Variants in MAK observed in about 807,000 individuals in gnomAD.
MAK encodes the protein serine/threonine-protein kinase MAK.
MAK carries 65 observed loss-of-function variants against 82.6 expected under a neutral mutation model. The observed-to-expected ratio is 0.79, with a 90% CI of 0.64 to 0.97. The LOEUF is 0.97. MAK is among the 50% of genes least tolerant of loss of function. The pLI is 0.00. For synonymous variants in MAK, 250 were observed against 274.2 expected (o/e 0.91, Z 0.87); for missense variants, 703 against 780.2 (o/e 0.90, Z 1.18).
At chr6:10,791,641 CA>C in intron 10 of MAK, 33 bp downstream of exon 10, 1 of 1,594,666 alleles carries the variant, frequency 6.3e-7, no homozygotes, top group South Asian at 1.1e-5. Context: ...TAATGCATGG[CA>C]AAAATATTTT....
chr6:10,815,912 G>GTGTGTATATACATATATATA (rs1554184483), intron 4 of MAK, among the ~76,000 whole-genome samples: 1 of 108,322 alleles, frequency 9.2e-6, no homozygotes, highest in Non-Finnish European at 1.8e-5. Context: ...GCTTTATACA[G>GTGTGTATATACATATATATA]TATATATATA....
At chr6:10,815,912 G>GTGTGTGTATATATATATATC (rs1554184483) in intron 4 of MAK, among the ~76,000 whole-genome samples, 1 of 108,322 alleles carries the variant, frequency 9.2e-6, no homozygotes, top group Non-Finnish European at 1.8e-5. Flanking sequence ...GCTTTATACA[G>GTGTGTGTATATATATATATC]TATATATATA....
intron 10 of MAK, among the ~76,000 whole-genome samples, chr6:10,790,831 CA>C (rs1461098817): frequency 2.6e-5 from 4 of 152,140 alleles, no homozygotes; most frequent in Admixed American, 6.6e-5. Flanking sequence ...GTGTTTGGAC[CA>C]TGGGAGCAGA....
chr6:10,791,112 C>T (rs541700570), intron 10 of MAK, among the ~76,000 whole-genome samples: 93 of 152,088 alleles, frequency 6.1e-4, no homozygotes, highest in Admixed American at 1.7e-3. Context: ...AATGTAAAAA[C>T]GGACTGACAC....
chr6:10,807,369 G>A (rs1410414244), intron 6 of MAK, among the ~76,000 whole-genome samples: 3 of 104,130 alleles, frequency 2.9e-5, no homozygotes, highest in Non-Finnish European at 5.3e-5. Context: ...TTGAGAAAGA[G>A]TCTTGCTCTG....
At chr6:10,811,624 A>G (rs994193749) in intron 5 of MAK, among the ~76,000 whole-genome samples, 1 of 152,250 alleles carries the variant, frequency 6.6e-6, no homozygotes, top group Non-Finnish European at 1.5e-5. Flanking sequence ...ATGAATAATT[A>G]AAATAGCAGA....
At chr6:10,824,739 A>G (rs749901805) in intron 2 of MAK, among the ~76,000 whole-genome samples, 7 of 152,122 alleles carry the variant, frequency 4.6e-5, no homozygotes, top group Non-Finnish European at 1.0e-4. Context: ...ACAACTCAGT[A>G]ACTCATCCTT....
In MAK at chr6:10,801,904, C is replaced by T. The variant is rs1776041815; in HGVS notation, c.819G>A (p.Pro273=). 9 of 1,613,932 alleles carry T rather than the reference C, an allele frequency of 5.6e-6. No homozygotes were observed. Among genetic ancestry groups the T allele is most frequent in the South Asian group, 1.1e-5 (1 of 91,078 alleles). The part of the protein sequence containing the change: ...EMLNWDPKKR[P]TASQALKHPY... The stretch of plus-strand genomic sequence containing the variant: ...AGACTCCTCTTACCTGGCTTGCTGT[C>T]GGTCGTTTCTTTGGATCCCAATTCA... Residue 273 remains proline, a synonymous_variant, in exon 8 of 15, where the codon CCG becomes CCA. Coordinates refer to ENST00000354489, the MANE Select transcript of MAK (RefSeq NM_001242957.3).
intron 10 of MAK, among the ~76,000 whole-genome samples, chr6:10,787,690 C>T (rs542008123): frequency 6.6e-6 from 1 of 151,918 alleles, no homozygotes; most frequent in African/African-American, 2.4e-5. Flanking sequence ...AACCCTGTCT[C>T]TACTAAAAAA....
At chr6:10,783,806 G>A (rs1448266401) in intron 11 of MAK, among the ~76,000 whole-genome samples, 1 of 152,146 alleles carries the variant, frequency 6.6e-6, no homozygotes, top group Non-Finnish European at 1.5e-5. Context: ...GGATCACAAG[G>A]TCAGGAGATC....
chr6:10,785,112 T>A (rs2127533846), intron 10 of MAK, among the ~76,000 whole-genome samples: 1 of 152,326 alleles, frequency 6.6e-6, no homozygotes, highest in Non-Finnish European at 1.5e-5. Context: ...GTGCAGTGGC[T>A]AAGCACCTCG....
intron 6 of MAK, among the ~76,000 whole-genome samples, chr6:10,807,393 A>C (rs2127562875): frequency 8.6e-6 from 1 of 116,228 alleles, no homozygotes; most frequent in African/African-American, 3.4e-5. Flanking sequence ...CCCAGGCTGG[A>C]GTTCAGTGGC....
intron 8 of MAK, chr6:10,798,118 T>C (rs1775712608): frequency 9.5e-6 from 2 of 210,678 alleles, no homozygotes; most frequent in East Asian, 3.7e-4. Flanking sequence ...TCTTCCCTTT[T>C]TTTTTTTTTT....
intron 2 of MAK, 60 bp downstream of exon 2, chr6:10,830,488 G>T: frequency 1.5e-6 from 2 of 1,366,080 alleles, no homozygotes; most frequent in Non-Finnish European, 2.1e-6. Flanking sequence ...TCTTAAGCGA[G>T]GACAGGAAAA....
chr6:10,768,430 A>G (rs1438052592), intron 14 of MAK, among the ~76,000 whole-genome samples: 1 of 152,110 alleles, frequency 6.6e-6, no homozygotes, highest in Non-Finnish European at 1.5e-5. Context: ...ATACAAAAAA[A>G]ATTAGCTGGG....
At chr6:10,830,385 C>A (rs1197395911) in intron 2 of MAK, among the ~76,000 whole-genome samples, 163 bp downstream of exon 2, 1 of 151,468 alleles carries the variant, frequency 6.6e-6, no homozygotes, top group African/African-American at 2.4e-5. Context: ...AGGCTGGTCT[C>A]AAACTCCTAA....
At chr6:10,777,447 C>T (rs1160758208) in intron 11 of MAK, among the ~76,000 whole-genome samples, 1 of 151,312 alleles carries the variant, frequency 6.6e-6, no homozygotes, top group Non-Finnish European at 1.5e-5. Flanking sequence ...AAAGGAAGTG[C>T]AAGGTAGGGG....
In MAK at chr6:10,800,708, T is replaced by C. The variant is rs971462907; in HGVS notation, c.831+1184A>G. ...TACAAAATTAGCCAGGCGTGGTGGC[T>C]CATGCCTGTAATCTCAGCTACTCGG... On this transcript the variant is annotated intron_variant, in intron 8 of 14. Transcript: ENST00000354489. The surrounding 1 kb of genome is among the most constrained non-coding windows in gnomAD (Gnocchi z 4.2). Among the ~76,000 whole-genome samples, 6 of 152,022 alleles carry C rather than the reference T, an allele frequency of 3.9e-5. No homozygotes were observed. In the East Asian group the frequency reaches 1.2e-3, roughly 30 times the overall value.
rs1046528206 is a variant in MAK, at chr6:10,800,659, G to A, written c.831+1233C>T. ...GGTCGAGACCAGCCTCACCAACATG[G>A]AGAAACCCTGTCTCTACTAAAAATA... On this transcript the variant is annotated intron_variant, in intron 8 of 14. Transcript: ENST00000354489. The surrounding 1 kb of genome is among the most constrained non-coding windows in gnomAD (Gnocchi z 4.2). Among the ~76,000 whole-genome samples the A allele has an allele frequency of 1.3e-5, 2 of 151,948 alleles. No homozygotes were observed. Among genetic ancestry groups the A allele is most frequent in the African/African-American group, 4.8e-5 (2 of 41,366 alleles).
Sources: allele counts gnomAD v4.1 joint callset (sites outside exome capture counted in the v4.1 genomes callset), GRCh38; gene constraint gnomAD v4.1.1; non-coding constraint Gnocchi (gnomAD v3.1); transcripts MANE v1.5; gene names NCBI Gene and HGNC (gene_info 2026-07-23, HGNC 2026-07-21).